CCNK: variants seen among roughly 807,000 people sequenced by gnomAD.
CCNK encodes cyclin-K.
Under a neutral mutation model 65.0 loss-of-function variants are expected in CCNK, and 9 were observed. That is an observed-to-expected ratio of 0.14 (90% confidence interval 0.08 to 0.24). The LOEUF is 0.24. CCNK is among the 10% of genes least tolerant of loss of function. CCNK has a pLI of 1.00. For missense variants in CCNK, 474 were observed against 720.0 expected, an observed-to-expected ratio of 0.66 and a Z score of 3.91; for synonymous variants, 279 against 270.8, an observed-to-expected ratio of 1.03 and a Z score of -0.30.
In CCNK at chr14:99,510,815, C is replaced by T. The variant is rs1296452847; in HGVS notation, c.*33C>T. On this transcript the variant is annotated 3_prime_UTR_variant, in exon 11 of 11. Coordinates refer to ENST00000389879, the MANE Select transcript of CCNK (RefSeq NM_001099402.2). ...CTTTTTTCCCTCTTTGTTTTTTTAA[C>T]AAGATTTTCTAATCGACTTGCAGAG... 2 of 1,400,402 alleles carry T rather than the reference C, an allele frequency of 1.4e-6. No individual in the cohort carries two copies. The highest frequency in any genetic ancestry group is 1.9e-6 in the Non-Finnish European group (2 of 1,076,030). 86.7% of individuals were successfully genotyped at this position (1,400,402 alleles called of 1,614,324 possible).
intron 1 of CCNK, among the ~76,000 whole-genome samples, chr14:99,490,203 C>T (rs768602207): frequency 2.0e-5 from 3 of 152,088 alleles, no homozygotes; most frequent in Non-Finnish European, 4.4e-5. Context: ...GGCTGGACCT[C>T]GTGACTTGCA....
At chr14:99,483,117 T>C (rs1896395803) in intron 1 of CCNK, among the ~76,000 whole-genome samples, 1 of 152,216 alleles carries the variant, frequency 6.6e-6, no homozygotes, top group African/African-American at 2.4e-5. Flanking sequence ...TGTTTTCACA[T>C]AGAACCATTC....
At chr14:99,500,677 G>C in intron 4 of CCNK, 89 bp from the exon 5 acceptor site, 1 of 854,580 alleles carries the variant, frequency 1.2e-6, no homozygotes, top group Non-Finnish European at 1.9e-6. Context: ...CTTGAAGAGA[G>C]AATAAATAGA....
intron 1 of CCNK, among the ~76,000 whole-genome samples, chr14:99,490,923 C>T (rs755280059): frequency 2.0e-5 from 3 of 147,248 alleles, no homozygotes; most frequent in Non-Finnish European, 4.5e-5. Flanking sequence ...AGCAAGACTC[C>T]GTCTCAAAAA....
chr14:99,501,568 G>T, intron 6 of CCNK, 155 bp downstream of exon 6: 1 of 598,756 alleles, frequency 1.7e-6, no homozygotes, highest in Non-Finnish European at 2.9e-6. Context: ...TGACGTCCAG[G>T]TCATCTGCTT....
intron 4 of CCNK, 122 bp from the exon 5 acceptor site, chr14:99,500,644 G>C: frequency 1.4e-6 from 1 of 697,522 alleles, no homozygotes; most frequent in Non-Finnish European, 2.6e-6. Flanking sequence ...AGAAAGGAAG[G>C]AAAGGCAGTT....
At chr14:99,499,601 C>T (rs1322436852) in intron 4 of CCNK, among the ~76,000 whole-genome samples, 1 of 152,180 alleles carries the variant, frequency 6.6e-6, no homozygotes, top group Non-Finnish European at 1.5e-5. Flanking sequence ...CTCAAATTGT[C>T]CTCCCCGCAC....
At chr14:99,483,047 A>C (rs1835597366) in intron 1 of CCNK, among the ~76,000 whole-genome samples, 1 of 152,248 alleles carries the variant, frequency 6.6e-6, no homozygotes, top group Non-Finnish European at 1.5e-5. Context: ...CGTTATTCTT[A>C]GATTTTGAAA....
At chr14:99,505,498 C>T (rs1054370474) in intron 9 of CCNK, 2 of 46,006 alleles carry the variant, frequency 4.3e-5, no homozygotes, top group Non-Finnish European at 8.8e-5. Flanking sequence ...TTCGATCTAT[C>T]GGGTTAAATA....
intron 1 of CCNK, among the ~76,000 whole-genome samples, chr14:99,488,812 G>A (rs908568909): frequency 6.6e-6 from 1 of 151,752 alleles, no homozygotes; most frequent in Non-Finnish European, 1.5e-5. Flanking sequence ...CACTTGGATT[G>A]TATGTTCACT....
intron 1 of CCNK, 148 bp downstream of exon 1, chr14:99,481,627 C>T (rs765278435): frequency 2.0e-5 from 8 of 392,526 alleles, no homozygotes; most frequent in Admixed American, 4.4e-5. Flanking sequence ...ACACATTGAA[C>T]TTTGCGGGCG....
chr14:99,500,214 A>G (rs946877993), intron 4 of CCNK: 3 of 152,392 alleles, frequency 2.0e-5, no homozygotes, highest in Admixed American at 2.0e-4. Flanking sequence ...TTTATTTCAA[A>G]TAAATGAAAG....
intron 9 of CCNK, 75 bp from the exon 10 acceptor site, chr14:99,507,001 G>C (rs1896991331): frequency 7.7e-6 from 7 of 904,432 alleles, no homozygotes; most frequent in Non-Finnish European, 1.1e-5. Flanking sequence ...ATCTCTGCCA[G>C]TACATTTTTC....
chr14:99,489,743 C>A (rs1896561737), intron 1 of CCNK, among the ~76,000 whole-genome samples: 2 of 152,008 alleles, frequency 1.3e-5, no homozygotes, highest in South Asian at 4.2e-4. Flanking sequence ...TTACATGATT[C>A]AAACATCAAA....
chr14:99,486,984 G>C (rs1896502031), intron 1 of CCNK, among the ~76,000 whole-genome samples: 1 of 152,124 alleles, frequency 6.6e-6, no homozygotes, highest in South Asian at 2.1e-4. Flanking sequence ...TACTTATCTT[G>C]TGCCCTGCCA....
chr14:99,510,589 T>TCCCACC lies in CCNK; in HGVS notation c.1562_1567dup (p.Pro521_Pro522dup). ...CCCCCACCCACCTACAACCCCAACT[T>TCCCACC]CCCACCCCCACCCCCACGCCTCCCG... is the stretch of plus-strand genomic sequence containing the variant. On this transcript the variant is annotated inframe_insertion, in exon 11 of 11. Transcript: ENST00000389879. 1 of 366,056 alleles carries TCCCACC rather than the reference T, an allele frequency of 2.7e-6. No individual in the cohort carries two copies. The highest frequency in any genetic ancestry group is 4.8e-6 in the Non-Finnish European group (1 of 207,340). The allele number at this position is 366,056 out of a possible 1,614,324, so 22.7% of individuals were successfully genotyped here. A position where few individuals can be genotyped will look rare whatever the true frequency, so the allele number is the denominator to read the frequency against.
rs543899959 is a variant in CCNK at position 99,506,935 on chromosome 14, C to A, written c.1046-141C>A. 1.2e-4 allele frequency: 81 copies of A among 692,756 alleles called. No homozygotes were observed. The East Asian group carries it at 1.7e-3, about 15-fold the overall frequency. 42.9% of individuals were successfully genotyped at this position (692,756 alleles called of 1,614,324 possible). ...TTCATGCATAATGGTTTAGCTGAAA[C>A]CTTCTTCAAGTTCCCTTAAAGCCTT... On this transcript the variant is annotated intron_variant, in intron 9 of 10. Coordinates refer to ENST00000389879, the MANE Select transcript of CCNK (RefSeq NM_001099402.2).
intron 9 of CCNK, 43 bp downstream of exon 9, chr14:99,503,687 A>AT (rs1475255460): frequency 1.1e-5 from 17 of 1,483,846 alleles, no homozygotes; most frequent in Admixed American, 2.1e-5. Context: ...ATGTGTTTAT[A>AT]TGCAAAACTT....
intron 10 of CCNK, chr14:99,507,935 TG>T (rs1897016169): frequency 6.6e-6 from 1 of 152,256 alleles, no homozygotes; most frequent in Admixed American, 6.5e-5. Flanking sequence ...ATTCTTTACC[TG>T]TGGCACCATT....
Sources: gnomAD v4.1 joint callset for allele counts (sites outside exome capture counted in the v4.1 genomes callset) on GRCh38, gnomAD v4.1.1 for gene constraint, MANE v1.5 for transcripts, NCBI Gene and HGNC (gene_info 2026-07-23, HGNC 2026-07-21) for gene names.